YLPM1: variants seen among roughly 807,000 people sequenced by gnomAD.
YLPM1 encodes YLP motif-containing protein 1.
A neutral mutation model predicts 230.0 loss-of-function variants in YLPM1; 99 were observed. That is an observed-to-expected ratio of 0.43 (90% CI 0.37 to 0.51). The LOEUF (loss-of-function observed/expected upper bound fraction) is 0.51, where lower values mean the gene tolerates loss of function less well. Among genes scored for constraint, YLPM1 ranks in the 20% least tolerant of loss-of-function variants. The pLI, the probability that YLPM1 is intolerant of heterozygous loss-of-function variation, is 0.00. For synonymous variants in YLPM1, 984 were observed against 942.5 expected, an observed-to-expected ratio of 1.04 and a Z score of -0.81; for missense variants, 2,592 against 2,707.7, an observed-to-expected ratio of 0.96 and a Z score of 0.95.
chr14:74,833,419 A>C (rs2091622328), intron 19 of YLPM1, among the ~76,000 whole-genome samples: 1 of 151,802 alleles, frequency 6.6e-6, no homozygotes. Flanking sequence ...TGCCCAGCTA[A>C]TTTTTGTATT....
Position 74,787,584 on chromosome 14 carries a change from AAAAG to A in YLPM1, c.2282+5263_2282+5266del, listed in dbSNP as rs529880573. Among the ~76,000 whole-genome samples, 709 of 152,156 alleles carry A rather than the reference AAAAG, an allele frequency of 4.7e-3. 5 individuals are homozygous for A. Among genetic ancestry groups the A allele is most frequent in the African/African-American group, 0.015 (623 of 41,510 alleles). On this transcript the variant is annotated intron_variant, in intron 4 of 20. Coordinates refer to ENST00000325680, the MANE Select transcript of YLPM1 (RefSeq NM_019589.3). Reference sequence around the variant, plus strand: ...GAACGAGATTCCGTCTCAAAAAAAAAAAAGAAACTAAACGCTGCAGTAAGACAGT... The same window carrying A: ...GAACGAGATTCCGTCTCAAAAAAAAAAAACTAAACGCTGCAGTAAGACAGT...
chr14:74,763,351 G>T lies in YLPM1; in HGVS notation c.-139G>T, dbSNP rs1484116558. On this transcript the variant is annotated 5_prime_UTR_variant, in exon 1 of 21. Coordinates refer to ENST00000325680, the MANE Select transcript of YLPM1 (RefSeq NM_019589.3). ...GCGGGCCCAGCTCGGGAGCGCCGGC[G>T]CACTGGCGCGCTCCGTTTACACGCT... 2 of 1,077,212 alleles carry T rather than the reference G, an allele frequency of 1.9e-6. No individual in the cohort carries two copies. Among genetic ancestry groups the T allele is most frequent in the South Asian group, 7.1e-5 (2 of 28,360 alleles). The allele number at this position is 1,077,212 out of a possible 1,614,324, so 66.7% of individuals were successfully genotyped here.
chr14:74,798,895 G>A lies in YLPM1; in HGVS notation c.3598G>A (p.Gly1200Arg), dbSNP rs755736810. The A allele has an allele frequency of 1.9e-6, 3 of 1,613,900 alleles. No individual in the cohort carries two copies. The Admixed American group carries it at 5.0e-5, about 27-fold the overall frequency. The change falls in exon 5 of 21, where the codon GGG becomes AGG. Residue 1200 changes from glycine (G) to arginine (R), a missense_variant. Gly to Arg is a moderately radical substitution (Grantham distance 125, BLOSUM62 -2). Transcript: ENST00000325680. ...RAPWNHGEER[G>R]HEEFPLDGRN... The stretch of plus-strand genomic sequence containing the variant: ...TCCATGGAACCATGGAGAAGAGCGA[G>A]GGCATGAAGAGTTTCCATTAGATGG...
rs368026847 is a variant in YLPM1, at chr14:74,809,711, C to G, written c.4853C>G (p.Pro1618Arg). ...CCCCCACCTGTTCACTCTTCCATTCCCCCTCCTGGCCCAGTGCCTATGGGT... is the reference window on the plus strand; with the variant it reads ...CCCCCACCTGTTCACTCTTCCATTCGCCCTCCTGGCCCAGTGCCTATGGGT... The part of the protein sequence containing the change: ...LPPPPVHSSI[P>R]PPGPVPMGMP... The change falls in exon 7 of 21, where the codon CCC becomes CGC. Residue 1618 changes from proline to arginine, a missense_variant. Around this residue, in one of 4 missense-constraint regions of YLPM1, gnomAD observed 403 missense variants for 426.7 expected, o/e 0.94. Coordinates refer to ENST00000325680, the MANE Select transcript of YLPM1 (RefSeq NM_019589.3). The G allele has an allele frequency of 1.2e-6, 2 of 1,613,934 alleles. No homozygotes were observed. The highest frequency in any genetic ancestry group is 2.7e-5 in the African/African-American group (2 of 74,936).
chr14:74,769,259 C>CTTTTTTTT (rs34023289), intron 1 of YLPM1, among the ~76,000 whole-genome samples: 17 of 38,408 alleles, frequency 4.4e-4, no homozygotes, highest in Non-Finnish European at 6.4e-4. Context: ...GTATTTTTAT[C>CTTTTTTTT]TTTTTTTTTT....
intron 4 of YLPM1, among the ~76,000 whole-genome samples, chr14:74,782,720 T>G (rs1252725711): frequency 6.6e-6 from 1 of 152,242 alleles, no homozygotes; most frequent in Non-Finnish European, 1.5e-5. Flanking sequence ...TAAAGATGAA[T>G]AAGCCAATAT....
In YLPM1 at chr14:74,809,510, C is replaced by T. The variant is rs1326361461; in HGVS notation, c.4652C>T (p.Pro1551Leu). The change falls in exon 7 of 21, where the codon CCT (proline) becomes CTT (leucine). Residue 1551 changes from proline to leucine, a missense_variant. Pro to Leu is a moderately conservative substitution (Grantham distance 98). This residue lies in a region of YLPM1 where 403 missense variants were observed against 426.7 expected (regional missense o/e 0.94). Coordinates refer to ENST00000325680, the MANE Select transcript of YLPM1 (RefSeq NM_019589.3). ...RPPVPIPPPP[P>L]PPPLPPPPPV... ...CCTGTCCCAATACCACCACCTCCAC[C>T]TCCTCCACCTCTACCTCCTCCTCCT... 1.9e-6 allele frequency: 3 copies of T among 1,585,284 alleles called. No individual in the cohort carries two copies. The highest frequency in any genetic ancestry group is 1.8e-5 in the Admixed American group (1 of 54,824).
At chr14:74,768,951 G>T (rs544813758) in intron 1 of YLPM1, among the ~76,000 whole-genome samples, 1 of 152,072 alleles carries the variant, frequency 6.6e-6, no homozygotes, top group Non-Finnish European at 1.5e-5. Flanking sequence ...AGGATCTAGC[G>T]CATAGGAGGT....
At chr14:74,811,804 G>C in intron 10 of YLPM1, 66 bp downstream of exon 10, 1 of 1,114,790 alleles carries the variant, frequency 9.0e-7, no homozygotes, top group Non-Finnish European at 1.3e-6. Flanking sequence ...GCTTTCCATT[G>C]TAGCTATGAA....
chr14:74,774,711 T>A (rs904870947), intron 1 of YLPM1, among the ~76,000 whole-genome samples: 1 of 152,068 alleles, frequency 6.6e-6, no homozygotes, highest in African/African-American at 2.4e-5. Context: ...CCGCCTTTTT[T>A]TTTTTGTATT....
chr14:74,789,914 A>G (rs1426580979), intron 4 of YLPM1, among the ~76,000 whole-genome samples: 14 of 149,024 alleles, frequency 9.4e-5, no homozygotes, highest in Non-Finnish European at 1.2e-4. Flanking sequence ...ATGAGCCACC[A>G]TGTGCAGCCT....
intron 1 of YLPM1, among the ~76,000 whole-genome samples, chr14:74,767,297 C>T (rs1316369906): frequency 6.6e-6 from 1 of 152,196 alleles, no homozygotes; most frequent in Non-Finnish European, 1.5e-5. Flanking sequence ...TACTAATGAA[C>T]TAAAAATAAT....
Position 74,763,998 on chromosome 14 carries a change from C to G in YLPM1, c.509C>G (p.Pro170Arg). 7 of 1,601,232 alleles carry G rather than the reference C, an allele frequency of 4.4e-6. No individual in the cohort carries two copies. The highest frequency in any genetic ancestry group is 6.0e-6 in the Non-Finnish European group (7 of 1,174,726). The change falls in exon 1 of 21, where the codon CCG becomes CGG. Residue 170 changes from proline to arginine, a missense_variant. This residue lies in a region of YLPM1 where 1,862 missense variants were observed against 1,819.8 expected (regional missense o/e 1.02). Coordinates refer to ENST00000325680, the MANE Select transcript of YLPM1 (RefSeq NM_019589.3). ...PSQSYMPPPQ[P>R]PPSYYPPTSS... ...CAGTCTTACATGCCCCCACCTCAGC[C>G]GCCACCCTCTTACTACCCCCCGACC...
rs1019354845 is a variant in YLPM1 at position 74,802,630 on chromosome 14, A to C, written c.4475A>C (p.Gln1492Pro). The C allele has an allele frequency of 3.1e-6, 5 of 1,613,430 alleles. No individual in the cohort carries two copies. Among genetic ancestry groups the C allele is most frequent in the Non-Finnish European group, 4.2e-6 (5 of 1,179,698 alleles). ...EPQMADHLPPQESRLQNTSSR... is the reference protein window; with the variant it reads ...EPQMADHLPPPESRLQNTSSR... The stretch of plus-strand genomic sequence containing the variant: ...CAGATGGCTGACCATCTACCACCTC[A>C]GGAATCAAGATTGCAGAATACATCT... Residue 1492 changes from glutamine (Q) to proline (P), a missense_variant, in exon 6 of 21, where the codon CAG becomes CCG. Transcript: ENST00000325680.
intron 4 of YLPM1, among the ~76,000 whole-genome samples, chr14:74,792,422 T>C (rs1186938159): frequency 6.6e-6 from 1 of 152,254 alleles, no homozygotes; most frequent in African/African-American, 2.4e-5. Flanking sequence ...CATAATCTTG[T>C]AGTCTCAGGA....
chr14:74,808,963 T>G (rs1378217484), intron 6 of YLPM1, among the ~76,000 whole-genome samples: 1 of 152,200 alleles, frequency 6.6e-6, no homozygotes, highest in African/African-American at 2.4e-5. Flanking sequence ...TTATAACCAT[T>G]CCAGTGCATA....
At chr14:74,818,180 G>T in intron 15 of YLPM1, 51 bp from the exon 16 acceptor site, 1 of 1,237,908 alleles carries the variant, frequency 8.1e-7, no homozygotes, top group Non-Finnish European at 1.1e-6. Flanking sequence ...ATGCTTACTT[G>T]GTCTTTGAGT....
At chr14:74,776,228 C>T (rs193038767) in intron 1 of YLPM1, among the ~76,000 whole-genome samples, 2 of 152,248 alleles carry the variant, frequency 1.3e-5, no homozygotes, top group East Asian at 3.9e-4. Context: ...TTTAAACTCA[C>T]CACAGACACT....
chr14:74,778,936 G>A (rs1183522912), intron 2 of YLPM1, among the ~76,000 whole-genome samples: 3 of 152,100 alleles, frequency 2.0e-5, no homozygotes, highest in Non-Finnish European at 2.9e-5. Context: ...TGCCTCCCAG[G>A]TTCAGGCAAT....
Sources: allele counts gnomAD v4.1 joint callset (sites outside exome capture counted in the v4.1 genomes callset), GRCh38; gene constraint gnomAD v4.1.1; regional missense constraint gnomAD v4.1.1; transcripts MANE v1.5; gene names NCBI Gene and HGNC (gene_info 2026-07-23, HGNC 2026-07-21).